PGGT1B: variants seen among roughly 807,000 people sequenced by gnomAD.
The protein encoded by PGGT1B is geranylgeranyl transferase type-1 subunit beta.
In PGGT1B, 30 loss-of-function variants were observed where a neutral mutation model predicts 46.1. The ratio of observed to expected loss-of-function variants is 0.65; its 90% CI spans 0.49 to 0.88. PGGT1B has a LOEUF of 0.88. Ranked by LOEUF, PGGT1B falls within the 40% of genes least tolerant of loss-of-function variation. The pLI, the probability that PGGT1B is intolerant of heterozygous loss-of-function variation, is 0.00. For missense variants in PGGT1B, 376 were observed against 455.9 expected, an observed-to-expected ratio of 0.82 and a Z score of 1.60; for synonymous variants, 170 against 160.0, an observed-to-expected ratio of 1.06 and a Z score of -0.47.
intron 5 of PGGT1B, among the ~76,000 whole-genome samples, chr5:115,233,545 G>GAAAAAAAAAAAAAAAAAAAGAAAA (rs202078462): frequency 7.6e-6 from 1 of 131,868 alleles, no homozygotes; most frequent in African/African-American, 2.9e-5. Context: ...AAAAAAGAAG[G>GAAAAAAAAAAAAAAAAAAAGAAAA]AAAAAAAAAA....
At chr5:115,250,118 T>G (rs1295629780) in intron 2 of PGGT1B, among the ~76,000 whole-genome samples, 1 of 152,212 alleles carries the variant, frequency 6.6e-6, no homozygotes. Flanking sequence ...ATAAAGTATT[T>G]AAATATTTAT....
chr5:115,229,557 G>C (rs1043236856), intron 6 of PGGT1B, among the ~76,000 whole-genome samples: 1 of 152,086 alleles, frequency 6.6e-6, no homozygotes, highest in Admixed American at 6.6e-5. Flanking sequence ...CCATTAGACA[G>C]TGTCATGTTT....
intron 3 of PGGT1B, among the ~76,000 whole-genome samples, chr5:115,239,992 T>C (rs1340100109): frequency 2.0e-5 from 3 of 152,230 alleles, no homozygotes; most frequent in Non-Finnish European, 2.9e-5. Flanking sequence ...ATTCATATAC[T>C]GTACTGGACA....
At chr5:115,241,834 C>CT (rs35339470) in intron 2 of PGGT1B, among the ~76,000 whole-genome samples, 3 of 152,048 alleles carry the variant, frequency 2.0e-5, no homozygotes, top group African/African-American at 4.8e-5. Flanking sequence ...TATCATGTAC[C>CT]TTTTTTTAAT....
chr5:115,240,666 C>T (rs956234127), intron 3 of PGGT1B, among the ~76,000 whole-genome samples: 7 of 152,160 alleles, frequency 4.6e-5, no homozygotes, highest in African/African-American at 1.7e-4. Context: ...ATGTCATCTT[C>T]TTCAACATTA....
chr5:115,242,897 G>A (rs564144363), intron 2 of PGGT1B, among the ~76,000 whole-genome samples: 1 of 152,184 alleles, frequency 6.6e-6, no homozygotes, highest in East Asian at 1.9e-4. Context: ...AACCCGGGAG[G>A]TGGAGGTTGC....
intron 5 of PGGT1B, among the ~76,000 whole-genome samples, chr5:115,235,055 G>C (rs1757134109): frequency 6.6e-6 from 1 of 151,990 alleles, no homozygotes; most frequent in Non-Finnish European, 1.5e-5. Flanking sequence ...TTCCAGAGCT[G>C]AGGATGGAAA....
At chr5:115,237,831 A>C (rs1757228488) in intron 4 of PGGT1B, 27 bp downstream of exon 4, 1 of 1,593,164 alleles carries the variant, frequency 6.3e-7, no homozygotes, top group South Asian at 1.1e-5. Flanking sequence ...GTTTATTACA[A>C]AAAAAGTAAC....
chr5:115,238,291 ATTTTT>A (rs35711954), intron 3 of PGGT1B, among the ~76,000 whole-genome samples: 16 of 46,964 alleles, frequency 3.4e-4, no homozygotes, highest in Non-Finnish European at 5.1e-4. Flanking sequence ...ATTTTTTTGG[ATTTTT>A]TTTTTTTTTT....
At chr5:115,260,172 A>G in intron 1 of PGGT1B, among the ~76,000 whole-genome samples, 1 of 152,234 alleles carries the variant, frequency 6.6e-6, no homozygotes. Context: ...TTGTCACTAG[A>G]AAAGTAAAAA....
At chr5:115,255,476 T>C (rs1748272387) in intron 1 of PGGT1B, among the ~76,000 whole-genome samples, 1 of 152,022 alleles carries the variant, frequency 6.6e-6, no homozygotes. Flanking sequence ...TCTAACAGGG[T>C]TTTTTGGTTT....
rs776036142 is a variant in PGGT1B, at chr5:115,209,339, C to G, written c.*3063G>C. 6.6e-6 allele frequency: 1 copy of G among 152,232 alleles called. No homozygotes were observed. Among genetic ancestry groups the G allele is most frequent in the Admixed American group, 6.6e-5 (1 of 15,254 alleles). The allele number at this position is 152,232 out of a possible 1,614,324, so 9.4% of individuals were successfully genotyped here. Reference sequence around the variant, plus strand: ...CTCTAATGCAATCAGCAGACCTTATCATATTGCTTTAACATTCATCTGCAA... The same window carrying G: ...CTCTAATGCAATCAGCAGACCTTATGATATTGCTTTAACATTCATCTGCAA... On this transcript the variant is annotated 3_prime_UTR_variant, in exon 9 of 9. Coordinates refer to ENST00000419445, the MANE Select transcript of PGGT1B (RefSeq NM_005023.4).
chr5:115,262,694 G>A lies in PGGT1B; in HGVS notation c.140+18C>T. On this transcript the variant is annotated intron_variant, in intron 1 of 8. Transcript: ENST00000419445. The stretch of plus-strand genomic sequence containing the variant: ...GCCCGGGCCTTGTGCCAGCCTGGCT[G>A]ACTGTGCCACGAGTTACCTGCTTGT... The A allele has an allele frequency of 6.3e-7, 1 of 1,595,392 alleles. No homozygotes were observed. Among genetic ancestry groups the A allele is most frequent in the Non-Finnish European group, 8.5e-7 (1 of 1,170,422 alleles).
chr5:115,207,180 C>CATATATTTATATATATAT lies in PGGT1B; in HGVS notation c.*5221_*5222insATATATATATAAATATAT, dbSNP rs1756089677. ...ACTAGTTTAGGTTTGCATATACATA[C>CATATATTTATATATATAT]ATATATATATATATATATATATATA... On this transcript the variant is annotated 3_prime_UTR_variant, in exon 9 of 9. Transcript: ENST00000419445. The CATATATTTATATATATAT allele has an allele frequency of 1.1e-5, 1 of 89,950 alleles. No individual in the cohort carries two copies. The highest frequency in any genetic ancestry group is 2.4e-5 in the Non-Finnish European group (1 of 42,226). 5.6% of individuals were successfully genotyped at this position (89,950 alleles called of 1,614,324 possible). A position where few individuals can be genotyped will look rare whatever the true frequency, so the allele number is the denominator to read the frequency against.
At chr5:115,250,321 C>G (rs1455474152) in intron 2 of PGGT1B, among the ~76,000 whole-genome samples, 2 of 151,974 alleles carry the variant, frequency 1.3e-5, no homozygotes, top group East Asian at 3.9e-4. Context: ...CAGATGAGGT[C>G]CTAGGCTAAA....
At chr5:115,253,278 T>A in intron 1 of PGGT1B, 23 bp from the exon 2 acceptor site, 2 of 1,563,778 alleles carry the variant, frequency 1.3e-6, no homozygotes, top group Non-Finnish European at 1.7e-6. Context: ...AATGTAAAAT[T>A]CCATCTTAAC....
chr5:115,221,433 T>C (rs1389001569), intron 7 of PGGT1B, among the ~76,000 whole-genome samples: 2 of 152,088 alleles, frequency 1.3e-5, no homozygotes, highest in African/African-American at 4.8e-5. Flanking sequence ...ATGGTTTGTC[T>C]TTTAAGATTA....
chr5:115,246,626 T>C (rs929543053), intron 2 of PGGT1B, among the ~76,000 whole-genome samples: 1 of 152,186 alleles, frequency 6.6e-6, no homozygotes, highest in Non-Finnish European at 1.5e-5. Context: ...AAATTCTTTG[T>C]GTGGTCTGGC....
intron 6 of PGGT1B, among the ~76,000 whole-genome samples, chr5:115,228,522 TGG>T (rs1756867895): frequency 6.6e-6 from 1 of 152,138 alleles, no homozygotes; most frequent in Non-Finnish European, 1.5e-5. Flanking sequence ...CATGTGTATC[TGG>T]GTGGTTTGCA....
Sources: allele counts gnomAD v4.1 joint callset (sites outside exome capture counted in the v4.1 genomes callset), GRCh38; gene constraint gnomAD v4.1.1; transcripts MANE v1.5; gene names NCBI Gene and HGNC (gene_info 2026-07-23, HGNC 2026-07-21).